The following UBAP2 variants were observed in gnomAD, a reference collection of about 807,000 sequenced individuals.
UBAP2 encodes the protein ubiquitin-associated protein 2.
UBAP2 carries 75 observed loss-of-function variants against 139.6 expected under a neutral mutation model. The ratio of observed to expected loss-of-function variants is 0.54; its 90% CI spans 0.45 to 0.65. UBAP2 has a LOEUF of 0.65. UBAP2 is among the 30% of genes least tolerant of loss of function. The probability of loss-of-function intolerance (pLI) is 0.00; values close to 1 mark genes in which losing one functional copy is unlikely to be tolerated. For synonymous variants in UBAP2, 526 were observed against 526.2 expected, an observed-to-expected ratio of 1.00 and a Z score of 0.01; for missense variants, 1,368 against 1,369.6, an observed-to-expected ratio of 1.00 and a Z score of 0.02.
intron 19 of UBAP2, among the ~76,000 whole-genome samples, chr9:33,932,133 C>T (rs563405788): frequency 3.9e-5 from 6 of 152,108 alleles, no homozygotes; most frequent in Non-Finnish European, 7.4e-5. Context: ...GCTGGCGCGC[C>T]GACTCCAGCC....
intron 17 of UBAP2, chr9:33,933,955 A>C: frequency 4.5e-6 from 1 of 223,220 alleles, no homozygotes; most frequent in Non-Finnish European, 9.3e-6. Context: ...CAGAAAGAAA[A>C]ACAGGTGCTG....
intron 2 of UBAP2, among the ~76,000 whole-genome samples, chr9:34,014,758 C>T (rs1237426926): frequency 7.5e-6 from 1 of 133,956 alleles, no homozygotes; most frequent in Non-Finnish European, 1.5e-5. Flanking sequence ...CTGGCCACTG[C>T]GACAGACTCC....
intron 8 of UBAP2, chr9:33,968,077 T>A: frequency 2.2e-6 from 1 of 462,424 alleles, no homozygotes; most frequent in Non-Finnish European, 4.2e-6. Context: ...CACTCTAACT[T>A]ATCAGATTGC....
In UBAP2 at chr9:33,956,126, G is replaced by A. The variant is rs1206642512; in HGVS notation, c.819C>T (p.Phe273=). ...TCTCTGCTGGAGCAGATGAGGCAGT[G>A]AAGACCTTTGTTTCAGAAAGCTGTA... ...WTEDLSETKV[F]TASSAPAENH... The change falls in exon 11 of 29, where the codon TTC becomes TTT. Residue 273 remains phenylalanine, a synonymous_variant. Transcript: ENST00000379238. The A allele has an allele frequency of 1.2e-6, 2 of 1,613,734 alleles. No homozygotes were observed. Among genetic ancestry groups the A allele is most frequent in the Non-Finnish European group, 1.7e-6 (2 of 1,179,866 alleles).
In UBAP2 at chr9:33,923,291, A is replaced by C. The variant is rs1218150187; in HGVS notation, c.2899T>G (p.Tyr967Asp). ...GYGQHGYSTG[Y>D]DDLTQGTAAG... ...GCTGTCCCCTGGGTCAGGTCGTCAT[A>C]ACCTAGCGTGGCAGGGTACAAGAGG... The change falls in exon 26 of 29, where the codon TAT becomes GAT. Residue 967 changes from tyrosine to aspartate, a missense_variant and splice_region_variant. Transcript: ENST00000379238. The C allele has an allele frequency of 5.6e-6, 9 of 1,614,188 alleles. No homozygotes were observed. The highest frequency in any genetic ancestry group is 7.6e-6 in the Non-Finnish European group (9 of 1,180,002).
intron 1 of UBAP2, among the ~76,000 whole-genome samples, chr9:34,040,698 TA>T (rs1363437322): frequency 1.3e-5 from 2 of 152,174 alleles, no homozygotes; most frequent in Non-Finnish European, 2.9e-5. Context: ...AAAGGCAACA[TA>T]AAATGTTGGC....
At chr9:33,947,374 C>A (rs985195563) in intron 13 of UBAP2, among the ~76,000 whole-genome samples, 4 of 152,188 alleles carry the variant, frequency 2.6e-5, no homozygotes, top group Non-Finnish European at 5.9e-5. Flanking sequence ...GGAATGGTGG[C>A]TTAATGTCAC....
At chr9:33,956,244 C>CCTG in intron 10 of UBAP2, 98 bp from the exon 11 acceptor site, 1 of 740,310 alleles carries the variant, frequency 1.4e-6, no homozygotes, top group South Asian at 1.8e-5. Context: ...GTCTCTTACA[C>CCTG]TTCGCATAAC....
intron 12 of UBAP2, among the ~76,000 whole-genome samples, chr9:33,952,166 G>T (rs1021387095): frequency 6.6e-6 from 1 of 152,168 alleles, no homozygotes; most frequent in Non-Finnish European, 1.5e-5. Context: ...GAAAAACACA[G>T]CAACAAACTA....
chr9:33,938,777 C>T, intron 16 of UBAP2: 1 of 345,162 alleles, frequency 2.9e-6, no homozygotes, highest in Non-Finnish European at 5.3e-6. Context: ...GCCTGGGCAA[C>T]AGAGCAAGAC....
At chr9:33,938,158 AATT>A (rs1050513456) in intron 16 of UBAP2, among the ~76,000 whole-genome samples, 2 of 151,634 alleles carry the variant, frequency 1.3e-5, no homozygotes, top group Non-Finnish European at 2.9e-5. Flanking sequence ...CATCACACCT[AATT>A]ATTATTATTA....
At chr9:33,991,288 G>T (rs928837120) in intron 4 of UBAP2, among the ~76,000 whole-genome samples, 1 of 142,194 alleles carries the variant, frequency 7.0e-6, no homozygotes, top group Non-Finnish European at 1.6e-5. Flanking sequence ...GTGACAGAGC[G>T]AGACTCTGTA....
In UBAP2 at chr9:33,953,378, T is replaced by C. The variant is rs964965444; in HGVS notation, c.963A>G (p.Gln321=). The part of the protein sequence containing the change: ...FETSQQQGFG[Q]ALVFTNSQHN... ...GTTGCGAATTTGTGAAGACAAGGGC[T>C]TGGCCAAAGCCCTGCTGTTGGGAAG... The change falls in exon 12 of 29, where the codon CAA becomes CAG. Residue 321 remains glutamine (Q), a synonymous_variant. Coordinates refer to ENST00000379238, the MANE Select transcript of UBAP2 (RefSeq NM_001370062.2). 33 of 1,614,208 alleles carry C rather than the reference T, an allele frequency of 2.0e-5. 1 individual carries two copies. The highest frequency in any genetic ancestry group is 1.7e-4 in the Admixed American group (10 of 60,020).
chr9:34,022,579 G>T (rs904738560), intron 1 of UBAP2, among the ~76,000 whole-genome samples: 10 of 151,642 alleles, frequency 6.6e-5, no homozygotes, highest in Admixed American at 4.6e-4. Flanking sequence ...GGGACTATAG[G>T]TATGTGCCAC....
At chr9:33,976,680 G>A (rs1441525089) in intron 6 of UBAP2, among the ~76,000 whole-genome samples, 1 of 152,144 alleles carries the variant, frequency 6.6e-6, no homozygotes, top group Non-Finnish European at 1.5e-5. Context: ...GAAATGTATG[G>A]TATGTAAATT....
intron 5 of UBAP2, among the ~76,000 whole-genome samples, chr9:33,988,769 C>T (rs555817092): frequency 6.6e-6 from 1 of 152,322 alleles, no homozygotes; most frequent in African/African-American, 2.4e-5. Context: ...ACTATTAGAA[C>T]AAATTCTGCA....
At chr9:33,968,434 CGAG>C (rs908004108) in intron 8 of UBAP2, 5 of 560,382 alleles carry the variant, frequency 8.9e-6, no homozygotes, top group Admixed American at 5.8e-5. Flanking sequence ...TAGTCATGGC[CGAG>C]GGCATGTGCA....
chr9:33,981,737 A>AGGAGGGAT (rs1330756378), intron 6 of UBAP2, among the ~76,000 whole-genome samples: 5 of 149,228 alleles, frequency 3.4e-5, no homozygotes, highest in Non-Finnish European at 5.9e-5. Context: ...GACTCCTGCA[A>AGGAGGGAT]GGAGGGATGG....
chr9:33,989,044 C>T lies in UBAP2; in HGVS notation c.371G>A (p.Ser124Asn). Residue 124 changes from serine to asparagine, a missense_variant, in exon 5 of 29, where the codon AGC becomes AAC. By Grantham distance (46) the Ser-to-Asn change is conservative (BLOSUM62 1). Coordinates refer to ENST00000379238, the MANE Select transcript of UBAP2 (RefSeq NM_001370062.2). Reference sequence around the variant, plus strand: ...ACGTCCACGACTCGATTCTTTCTCGCTTTTCTTCTCTCTATTCTCTTTGTT... The same window carrying T: ...ACGTCCACGACTCGATTCTTTCTCGTTTTTCTTCTCTCTATTCTCTTTGTT... ...SENKENREKK[S>N]EKESSRGRGN... is the part of the protein sequence containing the mutation. 1.2e-6 allele frequency: 2 copies of T among 1,613,930 alleles called. No homozygotes were observed.
Sources: allele counts gnomAD v4.1 joint callset (sites outside exome capture counted in the v4.1 genomes callset), GRCh38; gene constraint gnomAD v4.1.1; transcripts MANE v1.5; gene names NCBI Gene and HGNC (gene_info 2026-07-23, HGNC 2026-07-21).